Variants in C1QTNF2 observed in about 807,000 individuals in gnomAD.
C1QTNF2 encodes C1q and TNF related 2, also known as complement C1q tumor necrosis factor-related protein 2.
Under a neutral mutation model 17.4 loss-of-function variants are expected in C1QTNF2, and 15 were observed. The observed-to-expected ratio is 0.86, with a 90% CI of 0.58 to 1.33. The LOEUF (loss-of-function observed/expected upper bound fraction) is 1.33, where lower values mean the gene tolerates loss of function less well. Among genes scored for constraint, C1QTNF2 ranks in the 40% most tolerant of loss-of-function variants. C1QTNF2 has a pLI of 0.00. For synonymous variants in C1QTNF2, 154 were observed against 163.3 expected (o/e 0.94, Z 0.44); for missense variants, 381 against 392.3 (o/e 0.97, Z 0.24).
At chr5:160,356,266 A>G (rs1764048762) in intron 1 of C1QTNF2, among the ~76,000 whole-genome samples, 1 of 152,234 alleles carries the variant, frequency 6.6e-6, no homozygotes, top group South Asian at 2.1e-4. Flanking sequence ...ATAAAATGGC[A>G]ACTTGCTTTG....
chr5:160,359,982 T>G (rs1345270178), intron 1 of C1QTNF2, among the ~76,000 whole-genome samples: 1 of 151,682 alleles, frequency 6.6e-6, no homozygotes, highest in Admixed American at 6.6e-5. Flanking sequence ...CAAGCTCCAT[T>G]CAGCCCCAAG....
At chr5:160,360,979 AGAGACG>A (rs1171105787) in intron 1 of C1QTNF2, among the ~76,000 whole-genome samples, 1 of 151,980 alleles carries the variant, frequency 6.6e-6, no homozygotes, top group African/African-American at 2.4e-5. Flanking sequence ...TATTTTTAGT[AGAGACG>A]GGGTTTCATC....
chr5:160,364,961 T>C (rs187103965), intron 1 of C1QTNF2, among the ~76,000 whole-genome samples: 54 of 152,292 alleles, frequency 3.5e-4, no homozygotes, highest in African/African-American at 1.2e-3. Flanking sequence ...GTATGGTTTA[T>C]TATTACTGCC....
At position 160,352,900 on chromosome 5, in the gene C1QTNF2, A is replaced by G. The variant is rs143494540; in HGVS notation, c.244+1868T>C. ...TCAATAAGTCAATTACAGGGTGCCT[A>G]ACATTTATTGTATGTCTATGCTGAG... On this transcript the variant is annotated intron_variant, in intron 2 of 2. Transcript: ENST00000652664. Among the ~76,000 whole-genome samples, 203 of 152,342 alleles carry G rather than the reference A, an allele frequency of 1.3e-3. 3 individuals carry two copies. Among genetic ancestry groups the G allele is most frequent in the African/African-American group, 4.6e-3 (192 of 41,574 alleles).
chr5:160,358,068 C>T (rs752661301), intron 1 of C1QTNF2, among the ~76,000 whole-genome samples: 3 of 152,220 alleles, frequency 2.0e-5, no homozygotes, highest in African/African-American at 4.8e-5. Context: ...TGCCTGTCTG[C>T]GAAAGCTGGT....
At chr5:160,356,592 C>T (rs1764055851) in intron 1 of C1QTNF2, among the ~76,000 whole-genome samples, 1 of 152,188 alleles carries the variant, frequency 6.6e-6, no homozygotes, top group Non-Finnish European at 1.5e-5. Flanking sequence ...TTTCAGACTT[C>T]AATCTGTTCT....
intron 1 of C1QTNF2, among the ~76,000 whole-genome samples, chr5:160,369,431 A>T (rs1764308544): frequency 6.6e-6 from 1 of 152,136 alleles, no homozygotes; most frequent in South Asian, 2.1e-4. Context: ...GAGTTTGAGG[A>T]TCGGGCAGTT....
In C1QTNF2 at chr5:160,370,624, C is replaced by T. The variant is rs755270318; in HGVS notation, c.-122G>A. The T allele has an allele frequency of 4.2e-6, 6 of 1,444,682 alleles. No individual in the cohort carries two copies. In the East Asian group the frequency reaches 8.3e-5, roughly 20 times the overall value. The allele number at this position is 1,444,682 out of a possible 1,614,324, so 89.5% of individuals were successfully genotyped here. A position where few individuals can be genotyped will look rare whatever the true frequency, so the allele number is the denominator to read the frequency against. ...AGCCGGGCAGAGCGTCGGCCCCAGG[C>T]ATAGTTTTCCCATCCCGTCATGGGC... On this transcript the variant is annotated 5_prime_UTR_variant, in exon 1 of 3. The change abolishes an upstream ATG in the 5' untranslated region. Transcript: ENST00000652664.
chr5:160,368,381 A>G (rs369114869), intron 1 of C1QTNF2, among the ~76,000 whole-genome samples: 1 of 151,928 alleles, frequency 6.6e-6, no homozygotes, highest in Non-Finnish European at 1.5e-5. Context: ...AAAATACAAA[A>G]ATTAGCTGGG....
rs188216860 is a variant in C1QTNF2 at position 160,363,440 on chromosome 5, T to C, written c.-10+7072A>G. On this transcript the variant is annotated intron_variant, in intron 1 of 2. Transcript: ENST00000652664. ...CTTGACAGGATGCCTCAGAAAATAT[T>C]TGATCTGCTATTTTCTCTCTCCTCA... Among the ~76,000 whole-genome samples, 9 of 152,302 alleles carry C rather than the reference T, an allele frequency of 5.9e-5. No homozygotes were observed. In the East Asian group the frequency reaches 1.2e-3, roughly 20 times the overall value.
At chr5:160,351,426 C>G (rs1348639396) in intron 2 of C1QTNF2, among the ~76,000 whole-genome samples, 1 of 152,148 alleles carries the variant, frequency 6.6e-6, no homozygotes, top group East Asian at 1.9e-4. Context: ...GTTTCTTATA[C>G]ATTTGTATGT....
chr5:160,357,412 A>G (rs527785001), intron 1 of C1QTNF2, among the ~76,000 whole-genome samples: 38 of 152,322 alleles, frequency 2.5e-4, no homozygotes, highest in Admixed American at 2.4e-3. Context: ...AAATAATAGT[A>G]GAGATGGTAG....
At position 160,349,067 on chromosome 5, in the gene C1QTNF2, G is replaced by T; in HGVS notation, c.*101C>A. On this transcript the variant is annotated 3_prime_UTR_variant, in exon 3 of 3. Transcript: ENST00000652664. The surrounding 1 kb of genome is among the most constrained non-coding windows in gnomAD (Gnocchi z 4.3). ...AGGAGGTGAGCCTGAGGCTAGAACC[G>T]CTCACTCGACCCCCCACCCCCAGCC... 7.0e-7 allele frequency: 1 copy of T among 1,432,308 alleles called. No individual in the cohort carries two copies. Among genetic ancestry groups the T allele is most frequent in the Non-Finnish European group, 9.4e-7 (1 of 1,062,858 alleles). 88.7% of individuals were successfully genotyped at this position (1,432,308 alleles called of 1,614,324 possible).
intron 1 of C1QTNF2, among the ~76,000 whole-genome samples, chr5:160,366,562 A>C (rs1473553580): frequency 6.6e-6 from 1 of 152,230 alleles, no homozygotes. Flanking sequence ...AACATTTGCA[A>C]ACTTTGGCAT....
Position 160,349,604 on chromosome 5 carries a change from C to A in C1QTNF2, c.422G>T (p.Cys141Phe). Residue 141 changes from cysteine to phenylalanine, a missense_variant, in exon 3 of 3, where the codon TGC becomes TTC. Physicochemically the swap from Cys to Phe is radical, Grantham distance 205. Transcript: ENST00000652664. This position sits in a 1 kb window ranked among gnomAD's most constrained non-coding sequence, Gnocchi z 4.3. Reference protein sequence around the residue: ...KKGEPGLPGPCSCGSGHTKSA... With the variant: ...KKGEPGLPGPFSCGSGHTKSA... ...CTTGGTATGGCCACTGCCACAGCTG[C>A]AGGGGCCTGGGAGGCCTGGCTCCCC... 6.2e-7 allele frequency: 1 copy of A among 1,613,690 alleles called. No individual in the cohort carries two copies. Among genetic ancestry groups the A allele is most frequent in the Non-Finnish European group, 8.5e-7 (1 of 1,179,912 alleles).
chr5:160,351,336 C>G (rs1053269833), intron 2 of C1QTNF2, among the ~76,000 whole-genome samples: 1 of 152,140 alleles, frequency 6.6e-6, no homozygotes, highest in Non-Finnish European at 1.5e-5. Flanking sequence ...TGAGTTCACT[C>G]GACACAAGGT....
intron 1 of C1QTNF2, among the ~76,000 whole-genome samples, chr5:160,364,940 C>T (rs1465512654): frequency 6.6e-6 from 1 of 152,148 alleles, no homozygotes; most frequent in Non-Finnish European, 1.5e-5. Flanking sequence ...CACATGGATA[C>T]CCAATAAATA....
chr5:160,370,166 T>C (rs1183709498), intron 1 of C1QTNF2, among the ~76,000 whole-genome samples: 1 of 152,104 alleles, frequency 6.6e-6, no homozygotes, highest in African/African-American at 2.4e-5. Flanking sequence ...ACGGGGATAA[T>C]CTGTTGTCAT....
In C1QTNF2 at chr5:160,349,355, T is replaced by A. The variant is rs1763863276; in HGVS notation, c.671A>T (p.Asp224Val). Residue 224 changes from aspartate to valine, a missense_variant, in exon 3 of 3, where the codon GAT (aspartate) becomes GTT (valine). Transcript: ENST00000652664. This position sits in a 1 kb window ranked among gnomAD's most constrained non-coding sequence, Gnocchi z 4.3. ...CACATCGTGGTTGCCGGTGTTGGCA[T>A]CAAAGGTCCGGATGCGGTACTGGCC... ...HNGQYRIRTF[D>V]ANTGNHDVAS... is the part of the protein sequence containing the mutation. 1 of 1,613,964 alleles carries A rather than the reference T, an allele frequency of 6.2e-7. No individual in the cohort carries two copies. Among genetic ancestry groups the A allele is most frequent in the Non-Finnish European group, 8.5e-7 (1 of 1,180,022 alleles).
Sources: gnomAD v4.1 joint callset for allele counts (sites outside exome capture counted in the v4.1 genomes callset) on GRCh38, gnomAD v4.1.1 for gene constraint, Gnocchi (gnomAD v3.1) non-coding constraint, MANE v1.5 for transcripts, NCBI Gene and HGNC (gene_info 2026-07-23, HGNC 2026-07-21) for gene names.